IGF1R: variants seen among roughly 807,000 people sequenced by gnomAD.
The protein encoded by IGF1R is insulin like growth factor 1 receptor.
Under a neutral mutation model 144.6 loss-of-function variants are expected in IGF1R, and 44 were observed. That is an observed-to-expected ratio of 0.30 (90% CI 0.24 to 0.39). The LOEUF is 0.39. Among genes scored for constraint, IGF1R ranks in the 10% least tolerant of loss-of-function variants. The pLI is 1.00. For missense variants in IGF1R, 1,355 were observed against 1,833.7 expected (o/e 0.74, Z 4.77); for synonymous variants, 795 against 722.8 (o/e 1.10, Z -1.60).
intron 2 of IGF1R, among the ~76,000 whole-genome samples, chr15:98,781,159 C>T (rs991992442): frequency 6.6e-6 from 1 of 152,160 alleles, no homozygotes; most frequent in Non-Finnish European, 1.5e-5. Context: ...AGCGAAATGC[C>T]ATTTTCTCTA....
In IGF1R at chr15:98,649,178, T is replaced by A; in HGVS notation, c.-404T>A. On this transcript the variant is annotated 5_prime_UTR_variant, in exon 1 of 21. Coordinates refer to ENST00000650285, the MANE Select transcript of IGF1R (RefSeq NM_000875.5). ...GCGGAAGCTCGGGCGTCCGGCCGCCTCCCGCGCGGCCAGGGCCGGGCTTGT... is the reference window on the plus strand; with the variant it reads ...GCGGAAGCTCGGGCGTCCGGCCGCCACCCGCGCGGCCAGGGCCGGGCTTGT... 1 of 218,668 alleles carries A rather than the reference T, an allele frequency of 4.6e-6. No homozygotes were observed. Among genetic ancestry groups the A allele is most frequent in the Non-Finnish European group, 9.2e-6 (1 of 108,904 alleles). The allele number at this position is 218,668 out of a possible 1,614,324, so 13.5% of individuals were successfully genotyped here. A position where few individuals can be genotyped will look rare whatever the true frequency, so the allele number is the denominator to read the frequency against.
intron 2 of IGF1R, among the ~76,000 whole-genome samples, chr15:98,789,174 CTG>C (rs1318686073): frequency 2.0e-5 from 3 of 152,302 alleles, no homozygotes; most frequent in East Asian, 1.9e-4. Flanking sequence ...ACTTTGTTCT[CTG>C]TGTGTAAGTA....
At chr15:98,685,900 T>C (rs1423774995) in intron 1 of IGF1R, among the ~76,000 whole-genome samples, 1 of 152,252 alleles carries the variant, frequency 6.6e-6, no homozygotes, top group Non-Finnish European at 1.5e-5. Flanking sequence ...CTATTGAGGC[T>C]ACTTAAAAGA....
intron 5 of IGF1R, among the ~76,000 whole-genome samples, chr15:98,905,548 C>T (rs1355008218): frequency 6.6e-6 from 1 of 151,534 alleles, no homozygotes. Context: ...CCTATGGTCC[C>T]AGCTACTTGG....
At chr15:98,666,419 A>T (rs1350235207) in intron 1 of IGF1R, among the ~76,000 whole-genome samples, 3 of 152,184 alleles carry the variant, frequency 2.0e-5, no homozygotes, top group Non-Finnish European at 4.4e-5. Context: ...GCTCGAACAG[A>T]TATTTGTACA....
At chr15:98,884,129 G>T (rs1009645563) in intron 2 of IGF1R, among the ~76,000 whole-genome samples, 4 of 152,044 alleles carry the variant, frequency 2.6e-5, no homozygotes, top group East Asian at 3.9e-4. Flanking sequence ...CACTCCACTG[G>T]GGGGCTGCTA....
Position 98,896,811 on chromosome 15 carries a change from G to A in IGF1R, c.1008G>A (p.Lys336=). 1 of 1,613,940 alleles carries A rather than the reference G, an allele frequency of 6.2e-7. No individual in the cohort carries two copies. Among genetic ancestry groups the A allele is most frequent in the East Asian group, 2.2e-5 (1 of 44,874 alleles). ...GPCPKVCEEE[K]KTKTIDSVTS... is the part of the protein sequence containing the mutation. ...GCCCGAAGGTCTGTGAGGAAGAAAA[G>A]AAAACAAAGACCATTGATTCTGTTA... Residue 336 remains lysine (K), a synonymous_variant, in exon 4 of 21, where the codon AAG becomes AAA. Coordinates refer to ENST00000650285, the MANE Select transcript of IGF1R (RefSeq NM_000875.5).
At chr15:98,858,282 TC>T (rs2011947120) in intron 2 of IGF1R, among the ~76,000 whole-genome samples, 2 of 151,568 alleles carry the variant, frequency 1.3e-5, no homozygotes, top group South Asian at 4.1e-4. Context: ...ATTTGTAGTT[TC>T]CCCCCGCTTC....
chr15:98,657,420 G>A (rs1372290286), intron 1 of IGF1R, among the ~76,000 whole-genome samples: 1 of 152,174 alleles, frequency 6.6e-6, no homozygotes, highest in Non-Finnish European at 1.5e-5. Context: ...CCTCTCAGTT[G>A]TGTCCACATT....
In IGF1R at chr15:98,960,678, T is replaced by A. The variant is rs1322116711; in HGVS notation, c.*3236T>A. 8.6e-6 allele frequency: 2 copies of A among 233,240 alleles called. No homozygotes were observed. The highest frequency in any genetic ancestry group is 1.7e-5 in the Non-Finnish European group (2 of 118,120). 14.4% of individuals were successfully genotyped at this position (233,240 alleles called of 1,614,324 possible). A position where few individuals can be genotyped will look rare whatever the true frequency, so the allele number is the denominator to read the frequency against. On this transcript the variant is annotated 3_prime_UTR_variant, in exon 21 of 21. Transcript: ENST00000650285. ...CATTCATTGAGCACAAAGGTGCAGC[T>A]GCAGCAGCAGCTGGAGAGCAAGAGT...
chr15:98,802,655 G>A (rs989009887), intron 2 of IGF1R, among the ~76,000 whole-genome samples: 18 of 152,326 alleles, frequency 1.2e-4, no homozygotes, highest in African/African-American at 4.1e-4. Flanking sequence ...TTCTGTGGAC[G>A]TGCAAACATC....
intron 5 of IGF1R, among the ~76,000 whole-genome samples, chr15:98,906,765 C>T (rs563324392): frequency 6.6e-6 from 1 of 152,358 alleles, no homozygotes; most frequent in East Asian, 1.9e-4. Context: ...GAACTGTTGA[C>T]TTACAAGTTT....
At chr15:98,939,384 T>G (rs771929396) in intron 18 of IGF1R, 24 bp downstream of exon 18, 6 of 1,613,402 alleles carry the variant, frequency 3.7e-6, no homozygotes, top group African/African-American at 1.3e-5. Context: ...TTTCCAGGTC[T>G]GGGCAAGAAC....
intron 2 of IGF1R, among the ~76,000 whole-genome samples, chr15:98,724,894 C>A (rs940404955): frequency 3.3e-5 from 5 of 152,204 alleles, no homozygotes; most frequent in African/African-American, 1.2e-4. Flanking sequence ...TAGAGAAGTT[C>A]AGTGAGAACC....
intron 2 of IGF1R, among the ~76,000 whole-genome samples, chr15:98,868,645 T>C (rs1282468616): frequency 1.3e-5 from 2 of 152,188 alleles, no homozygotes; most frequent in African/African-American, 4.8e-5. Flanking sequence ...CTCTGCCTTC[T>C]TCAAGCTGTG....
At position 98,962,459 on chromosome 15, in the gene IGF1R, G is replaced by A. The variant is rs2017264176; in HGVS notation, c.*5017G>A. ...CTTTCTTCACTCTGAAGTAGCTGGT[G>A]GTACAAATGAGAACTTCAAGAGAGG... On this transcript the variant is annotated 3_prime_UTR_variant, in exon 21 of 21. Transcript: ENST00000650285. 1 of 233,680 alleles carries A rather than the reference G, an allele frequency of 4.3e-6. No homozygotes were observed. The allele number at this position is 233,680 out of a possible 1,614,324, so 14.5% of individuals were successfully genotyped here. A position where few individuals can be genotyped will look rare whatever the true frequency, so the allele number is the denominator to read the frequency against.
chr15:98,917,357 G>T (rs573640675), intron 10 of IGF1R, among the ~76,000 whole-genome samples: 1 of 152,360 alleles, frequency 6.6e-6, no homozygotes, highest in East Asian at 1.9e-4. Context: ...AACATAGCCA[G>T]GTGCCACAGG....
rs926370406 is a variant in IGF1R at position 98,707,886 on chromosome 15, C to T, written c.419C>T (p.Ala140Val). The T allele has an allele frequency of 1.2e-6, 2 of 1,613,936 alleles. No individual in the cohort carries two copies. The highest frequency in any genetic ancestry group is 1.7e-6 in the Non-Finnish European group (2 of 1,179,956). ...LYNLRNITRG[A>V]IRIEKNADLC... ...AACCTGAGGAACATTACTCGGGGGGCCATCAGGATTGAGAAAAATGCTGAC... is the reference window on the plus strand; with the variant it reads ...AACCTGAGGAACATTACTCGGGGGGTCATCAGGATTGAGAAAAATGCTGAC... Residue 140 changes from alanine (A) to valine (V), a missense_variant, in exon 2 of 21, where the codon GCC becomes GTC. Ala to Val is a moderately conservative substitution (Grantham distance 64, BLOSUM62 0). Coordinates refer to ENST00000650285, the MANE Select transcript of IGF1R (RefSeq NM_000875.5). This position sits in a 1 kb window ranked among gnomAD's most constrained non-coding sequence, Gnocchi z 6.7.
At chr15:98,696,132 TTC>T (rs2053592559) in intron 1 of IGF1R, among the ~76,000 whole-genome samples, 1 of 152,142 alleles carries the variant, frequency 6.6e-6, no homozygotes, top group African/African-American at 2.4e-5. Flanking sequence ...ATTTGTGCAT[TTC>T]TTTTTTTGCA....
Sources: gnomAD v4.1 joint callset for allele counts (sites outside exome capture counted in the v4.1 genomes callset) on GRCh38, gnomAD v4.1.1 for gene constraint, Gnocchi (gnomAD v3.1) non-coding constraint, MANE v1.5 for transcripts, NCBI Gene and HGNC (gene_info 2026-07-23, HGNC 2026-07-21) for gene names.